XRRA1: variants seen among roughly 807,000 people sequenced by gnomAD.
XRRA1 encodes X-ray radiation resistance associated 1, also known as X-ray radiation resistance-associated protein 1.
XRRA1 carries 69 observed loss-of-function variants against 80.2 expected under a neutral mutation model. That is an observed-to-expected ratio of 0.86 (90% CI 0.71 to 1.05). XRRA1 has a LOEUF of 1.05. Ranked by LOEUF, XRRA1 falls within the 50% of genes least tolerant of loss-of-function variation. The pLI is 0.00. For synonymous variants in XRRA1, 348 were observed against 389.9 expected (o/e 0.89, Z 1.27); for missense variants, 967 against 976.4 (o/e 0.99, Z 0.13).
chr11:74,891,974 A>G (rs979815420), intron 10 of XRRA1, among the ~76,000 whole-genome samples: 2 of 152,236 alleles, frequency 1.3e-5, no homozygotes, highest in Non-Finnish European at 2.9e-5. Flanking sequence ...AAATGGCCAT[A>G]CTGCCCAAGG....
intron 10 of XRRA1, among the ~76,000 whole-genome samples, chr11:74,882,329 C>A (rs1455728328): frequency 6.6e-6 from 1 of 150,796 alleles, no homozygotes; most frequent in Non-Finnish European, 1.5e-5. Context: ...GCATTCTTCA[C>A]GTAGTTCTCG....
chr11:74,889,182 C>T (rs2049955944), intron 10 of XRRA1, among the ~76,000 whole-genome samples: 2 of 152,144 alleles, frequency 1.3e-5, no homozygotes, highest in South Asian at 2.1e-4. Context: ...CAAAGGGAAG[C>T]CCATCAGACT....
chr11:74,897,955 A>G lies in XRRA1; in HGVS notation c.1003+8284T>C, dbSNP rs917805692. Among the ~76,000 whole-genome samples the G allele has an allele frequency of 6.6e-5, 10 of 152,250 alleles. No individual in the cohort carries two copies. The East Asian group carries it at 1.9e-3, about 29-fold the overall frequency. Reference sequence around the variant, plus strand: ...CACTGGTAATACTAAGCACACAGAAAAACACAAAATAGCATAATTCTGTAG... The same window carrying G: ...CACTGGTAATACTAAGCACACAGAAGAACACAAAATAGCATAATTCTGTAG... On this transcript the variant is annotated intron_variant, in intron 10 of 18. Coordinates refer to ENST00000684022, the MANE Select transcript of XRRA1 (RefSeq NM_001378157.1).
At chr11:74,851,028 CA>C in intron 14 of XRRA1, 59 bp downstream of exon 14, 1 of 1,395,790 alleles carries the variant, frequency 7.2e-7, no homozygotes, top group South Asian at 1.4e-5. Flanking sequence ...GGTTGGTTTG[CA>C]TACATTATAA....
intron 10 of XRRA1, among the ~76,000 whole-genome samples, chr11:74,887,325 A>G (rs1372122586): frequency 1.3e-5 from 2 of 152,212 alleles, no homozygotes; most frequent in African/African-American, 4.8e-5. Flanking sequence ...TATGTAACCA[A>G]CAAAGGTCTA....
rs372943288 is a variant in XRRA1, at chr11:74,913,169, T to C, written c.657-5896A>G. On this transcript the variant is annotated intron_variant, in intron 8 of 18. Transcript: ENST00000684022. ...CATTTATTTACTGAGCAACAAAGTA[T>C]ATAGCCCATTATAGTAGGAAGTGTC... Among the ~76,000 whole-genome samples the C allele has an allele frequency of 6.6e-5, 10 of 152,332 alleles. No homozygotes were observed. The South Asian group carries it at 1.9e-3, about 28-fold the overall frequency.
intron 8 of XRRA1, among the ~76,000 whole-genome samples, chr11:74,917,113 T>C (rs191997442): frequency 1.3e-5 from 2 of 152,212 alleles, no homozygotes; most frequent in Non-Finnish European, 2.9e-5. Context: ...TGTGCAACAA[T>C]GGTTGTGTGC....
chr11:74,937,215 G>A (rs966425641), intron 3 of XRRA1, 147 bp from the exon 4 acceptor site: 1 of 799,658 alleles, frequency 1.3e-6, no homozygotes, highest in Admixed American at 3.0e-5. Context: ...GGGGGTAGGG[G>A]AGATATCTAC....
intron 10 of XRRA1, among the ~76,000 whole-genome samples, chr11:74,892,080 A>G (rs558312793): frequency 9.8e-5 from 15 of 152,306 alleles, no homozygotes; most frequent in African/African-American, 3.4e-4. Context: ...GAACCAAAAA[A>G]GAGCCCGCAT....
chr11:74,843,914 G>C lies in XRRA1; in HGVS notation c.2089C>G (p.Leu697Val). ...IPPPKKTRAQ[L>V]LDDIFIRLRD... ...AAGCGAATGAAGATGTCATCCAGAA[G>C]TTGGGCTCTAGTCTTCTTTGGGGGT... Residue 697 changes from leucine (L) to valine (V), a missense_variant, in exon 18 of 19, where the codon CTT (leucine) becomes GTT (valine). Leu to Val is a conservative substitution (Grantham distance 32, BLOSUM62 1). Transcript: ENST00000684022. 6.2e-7 allele frequency: 1 copy of C among 1,613,740 alleles called. No individual in the cohort carries two copies. Among genetic ancestry groups the C allele is most frequent in the Non-Finnish European group, 8.5e-7 (1 of 1,179,800 alleles).
At chr11:74,937,109 A>G in intron 3 of XRRA1, 41 bp from the exon 4 acceptor site, 1 of 1,586,550 alleles carries the variant, frequency 6.3e-7, no homozygotes, top group South Asian at 1.1e-5. Context: ...GAAAACTCCA[A>G]AGCTACAACG....
chr11:74,928,930 G>T (rs894689560), intron 6 of XRRA1, among the ~76,000 whole-genome samples: 5 of 152,212 alleles, frequency 3.3e-5, no homozygotes, highest in Admixed American at 2.6e-4. Context: ...AATGCTGGCT[G>T]TCATCAGCCC....
Position 74,841,963 on chromosome 11 carries a change from T to C in XRRA1, c.*1237A>G, listed in dbSNP as rs776993967. 4.6e-5 allele frequency: 7 copies of C among 152,012 alleles called. No individual in the cohort carries two copies. Among genetic ancestry groups the C allele is most frequent in the Admixed American group, 6.6e-5 (1 of 15,256 alleles). The allele number at this position is 152,012 out of a possible 1,614,324, so 9.4% of individuals were successfully genotyped here. A position where few individuals can be genotyped will look rare whatever the true frequency, so the allele number is the denominator to read the frequency against. On this transcript the variant is annotated 3_prime_UTR_variant, in exon 19 of 19. Transcript: ENST00000684022. ...GCACTTAAAAGTCCTAGTGAGAGAA[T>C]AGATACTATGCAAGGGAAAAAAATT... is the stretch of plus-strand genomic sequence containing the variant.
intron 8 of XRRA1, chr11:74,919,733 T>C (rs965841871): frequency 2.1e-6 from 1 of 465,582 alleles, no homozygotes; most frequent in Non-Finnish European, 4.2e-6. Flanking sequence ...TCAAAGAGAT[T>C]CGGAAATTTG....
rs1940661169 is a variant in XRRA1 at position 74,921,199 on chromosome 11, G to A, written c.656+15C>T. 2 of 1,612,436 alleles carry A rather than the reference G, an allele frequency of 1.2e-6. No homozygotes were observed. The highest frequency in any genetic ancestry group is 2.2e-5 in the South Asian group (2 of 91,018). On this transcript the variant is annotated intron_variant, in intron 8 of 18. Coordinates refer to ENST00000684022, the MANE Select transcript of XRRA1 (RefSeq NM_001378157.1). Reference sequence around the variant, plus strand: ...ACACAAAAACACAGAATGGACTCCAGGAGGTAGAACTTACTGTTCTGCGAC... The same window carrying A: ...ACACAAAAACACAGAATGGACTCCAAGAGGTAGAACTTACTGTTCTGCGAC...
intron 10 of XRRA1, among the ~76,000 whole-genome samples, chr11:74,878,872 T>C (rs1277558856): frequency 2.0e-5 from 3 of 151,932 alleles, no homozygotes; most frequent in Non-Finnish European, 2.9e-5. Flanking sequence ...TGTAGCCTTA[T>C]AGTATAGTTT....
intron 8 of XRRA1, among the ~76,000 whole-genome samples, chr11:74,918,078 A>C (rs1394074431): frequency 1.3e-5 from 2 of 152,200 alleles, no homozygotes; most frequent in African/African-American, 4.8e-5. Flanking sequence ...AACCCAGTAA[A>C]AGCAGGACCT....
chr11:74,872,457 A>G (rs2045043946), intron 10 of XRRA1, among the ~76,000 whole-genome samples: 1 of 152,160 alleles, frequency 6.6e-6, no homozygotes, highest in Non-Finnish European at 1.5e-5. Context: ...CTGGAGAAAG[A>G]GAGGAAACGC....
At chr11:74,942,207 T>G (rs1015013472) in intron 2 of XRRA1, among the ~76,000 whole-genome samples, 1 of 151,872 alleles carries the variant, frequency 6.6e-6, no homozygotes, top group African/African-American at 2.4e-5. Flanking sequence ...AGCTGCCAAG[T>G]AAGCCAAGGG....
Sources: gnomAD v4.1 joint callset for allele counts (sites outside exome capture counted in the v4.1 genomes callset) on GRCh38, gnomAD v4.1.1 for gene constraint, MANE v1.5 for transcripts, NCBI Gene and HGNC (gene_info 2026-07-23, HGNC 2026-07-21) for gene names.